The following KIF6 variants were observed in gnomAD, a reference collection of about 807,000 sequenced individuals.
KIF6 encodes kinesin-like protein KIF6.
KIF6 carries 106 observed loss-of-function variants against 112.7 expected under a neutral mutation model. The ratio of observed to expected loss-of-function variants is 0.94; its 90% CI spans 0.80 to 1.11. KIF6 has a LOEUF of 1.11. Ranked by LOEUF, KIF6 falls within the 50% of genes least tolerant of loss-of-function variation. The pLI is 0.00. For missense variants in KIF6, 929 were observed against 964.0 expected (o/e 0.96, Z 0.48); for synonymous variants, 339 against 339.9 (o/e 1.00, Z 0.03).
intron 10 of KIF6, among the ~76,000 whole-genome samples, chr6:39,560,852 A>C (rs1369817827): frequency 6.6e-6 from 1 of 152,246 alleles, no homozygotes; most frequent in African/African-American, 2.4e-5. Flanking sequence ...GGCATTTTGC[A>C]GAAGTCATTG....
Position 39,343,885 on chromosome 6 carries a change from C to CA in KIF6, c.2322-71_2322-70insT. The CA allele has an allele frequency of 2.2e-6, 2 of 927,316 alleles. No individual in the cohort carries two copies. Among genetic ancestry groups the CA allele is most frequent in the Non-Finnish European group, 3.3e-6 (2 of 612,570 alleles). The allele number at this position is 927,316 out of a possible 1,614,324, so 57.4% of individuals were successfully genotyped here. On this transcript the variant is annotated intron_variant, in intron 21 of 22. Coordinates refer to ENST00000287152, the MANE Select transcript of KIF6 (RefSeq NM_145027.6). The surrounding 1 kb of genome is among the most constrained non-coding windows in gnomAD (Gnocchi z 4.1). ...ACTCACCACTTATATTTCCAAAATGCTTTTCCATTTTAGGTGACTGATCTC... is the reference window on the plus strand; with the variant it reads ...ACTCACCACTTATATTTCCAAAATGCATTTTCCATTTTAGGTGACTGATCTC...
In KIF6 at chr6:39,443,737, C is replaced by A. The variant is rs569419570; in HGVS notation, c.1646-12576G>T. Among the ~76,000 whole-genome samples the A allele has an allele frequency of 7.9e-5, 12 of 152,120 alleles. 1 individual carries two copies. The East Asian group carries it at 2.3e-3, about 29-fold the overall frequency. ...GGAATTATAGGTGTGAGCCACCATG[C>A]CTGGTCAATTTTCATACATTTTAAA... On this transcript the variant is annotated intron_variant, in intron 13 of 22. Transcript: ENST00000287152.
rs1291634688 is a variant in KIF6 at position 39,337,167 on chromosome 6, CCTTCCTT to C, written c.2429-626_2429-620del. The stretch of plus-strand genomic sequence containing the variant: ...TCCTTTCTCTTTCTTTTCTTTCTTT[CCTTCCTT>C]CTTTCTTTCTTTCTTTCTTTCTTTC... On this transcript the variant is annotated intron_variant, in intron 22 of 22. Coordinates refer to ENST00000287152, the MANE Select transcript of KIF6 (RefSeq NM_145027.6). Among the ~76,000 whole-genome samples, 8 of 64,216 alleles carry C rather than the reference CCTTCCTT, an allele frequency of 1.2e-4. No individual in the cohort carries two copies. In the East Asian group the frequency reaches 2.9e-3, roughly 23 times the overall value. 42.1% of individuals were successfully genotyped at this position (64,216 alleles called of 152,430 possible). A position where few individuals can be genotyped will look rare whatever the true frequency, so the allele number is the denominator to read the frequency against.
intron 16 of KIF6, among the ~76,000 whole-genome samples, chr6:39,374,985 G>C (rs1766315837): frequency 6.6e-6 from 1 of 152,150 alleles, no homozygotes; most frequent in Non-Finnish European, 1.5e-5. Flanking sequence ...CAGATGAATG[G>C]ATAAATAAAA....
intron 15 of KIF6, among the ~76,000 whole-genome samples, chr6:39,396,021 A>G (rs969952820): frequency 6.6e-6 from 1 of 152,226 alleles, no homozygotes; most frequent in South Asian, 2.1e-4. Flanking sequence ...TAGTGCTTAA[A>G]AAAAAGTCAG....
chr6:39,578,331 T>TTC (rs1388665224), intron 9 of KIF6, among the ~76,000 whole-genome samples, 172 bp from the exon 10 acceptor site: 2 of 144,904 alleles, frequency 1.4e-5, no homozygotes, highest in Non-Finnish European at 3.0e-5. Context: ...AGTTCTAGAT[T>TTC]TTTTTTTTTT....
At chr6:39,485,657 T>C (rs913705042) in intron 13 of KIF6, among the ~76,000 whole-genome samples, 16 of 152,154 alleles carry the variant, frequency 1.1e-4, no homozygotes, top group African/African-American at 3.4e-4. Flanking sequence ...ACATTATCAA[T>C]GTGCAGAGAG....
At chr6:39,449,570 T>C (rs1581882229) in intron 13 of KIF6, among the ~76,000 whole-genome samples, 3 of 152,328 alleles carry the variant, frequency 2.0e-5, no homozygotes, top group African/African-American at 7.2e-5. Context: ...ACCCTCTTTT[T>C]CTGTTTCATA....
At chr6:39,436,324 T>C (rs1054395794) in intron 13 of KIF6, among the ~76,000 whole-genome samples, 7 of 152,220 alleles carry the variant, frequency 4.6e-5, no homozygotes, top group Non-Finnish European at 1.0e-4. Context: ...GTCTGTTTAC[T>C]CTGTTGATTA....
chr6:39,394,075 ATGC>A (rs778876926), intron 15 of KIF6, among the ~76,000 whole-genome samples: 1 of 152,132 alleles, frequency 6.6e-6, no homozygotes, highest in African/African-American at 2.4e-5. Flanking sequence ...TATATGTATG[ATGC>A]TGTGACCATG....
chr6:39,546,411 C>G (rs1023408519), intron 10 of KIF6, among the ~76,000 whole-genome samples: 1 of 152,182 alleles, frequency 6.6e-6, no homozygotes, highest in Non-Finnish European at 1.5e-5. Flanking sequence ...CTCTTTATCT[C>G]CTCTCTATAC....
intron 3 of KIF6, among the ~76,000 whole-genome samples, chr6:39,663,316 A>G (rs1786272051): frequency 6.6e-6 from 1 of 152,240 alleles, no homozygotes; most frequent in Non-Finnish European, 1.5e-5. Context: ...AATAAGAACT[A>G]TAAGTATAGG....
intron 14 of KIF6, among the ~76,000 whole-genome samples, chr6:39,422,956 T>C (rs746429022): frequency 6.6e-5 from 10 of 152,228 alleles, no homozygotes; most frequent in Middle Eastern, 3.2e-3. Flanking sequence ...CTCACTGCTA[T>C]GCTGATGAGG....
Position 39,357,350 on chromosome 6 carries a change from G to A in KIF6, c.2107C>T (p.Leu703Phe). 9.3e-6 allele frequency: 15 copies of A among 1,613,506 alleles called. No individual in the cohort carries two copies. The highest frequency in any genetic ancestry group is 1.3e-5 in the Non-Finnish European group (15 of 1,179,546). ...TGGAGAAATGGCTTCGTGTGATCGAGTGAATTCACTGCTGGAGAATTTACC... is the reference window on the plus strand; with the variant it reads ...TGGAGAAATGGCTTCGTGTGATCGAATGAATTCACTGCTGGAGAATTTACC... ...LQVNSPAVNSLDHTKPFLQTS... is the reference protein window; with the variant it reads ...LQVNSPAVNSFDHTKPFLQTS... The change falls in exon 19 of 23, where the codon CTC becomes TTC. Residue 703 changes from leucine to phenylalanine, a missense_variant. Coordinates refer to ENST00000287152, the MANE Select transcript of KIF6 (RefSeq NM_145027.6).
chr6:39,346,081 T>TC (rs1562112810), intron 20 of KIF6, among the ~76,000 whole-genome samples: 2 of 23,898 alleles, frequency 8.4e-5, no homozygotes, highest in African/African-American at 5.8e-4. Flanking sequence ...TCTCTCTCTC[T>TC]CTCTCCCCCC....
intron 12 of KIF6, among the ~76,000 whole-genome samples, chr6:39,544,285 G>A (rs1239025718): frequency 6.6e-6 from 1 of 152,202 alleles, no homozygotes; most frequent in African/African-American, 2.4e-5. Context: ...AAAAGATGGT[G>A]TAAAAAGGCT....
chr6:39,679,856 A>G (rs917149956), intron 3 of KIF6, among the ~76,000 whole-genome samples: 2 of 151,666 alleles, frequency 1.3e-5, no homozygotes, highest in African/African-American at 4.8e-5. Context: ...TGACCTCGTG[A>G]TCCGCCCACC....
chr6:39,598,658 T>C (rs572276147), intron 6 of KIF6, among the ~76,000 whole-genome samples: 1 of 152,144 alleles, frequency 6.6e-6, no homozygotes, highest in African/African-American at 2.4e-5. Context: ...AGGACATATA[T>C]ATGTGGACAT....
chr6:39,556,061 C>A (rs1328387), intron 10 of KIF6, among the ~76,000 whole-genome samples: 1 of 151,730 alleles, frequency 6.6e-6, no homozygotes, highest in Non-Finnish European at 1.5e-5. Context: ...TTTGTACATG[C>A]CCAAGTGAGT....
Sources: gnomAD v4.1 joint callset for allele counts (sites outside exome capture counted in the v4.1 genomes callset) on GRCh38, gnomAD v4.1.1 for gene constraint, Gnocchi (gnomAD v3.1) non-coding constraint, MANE v1.5 for transcripts, NCBI Gene and HGNC (gene_info 2026-07-23, HGNC 2026-07-21) for gene names.